PAX9: variants seen among roughly 807,000 people sequenced by gnomAD.
PAX9 encodes paired box protein Pax-9.
A neutral mutation model predicts 29.1 loss-of-function variants in PAX9; 6 were observed. The ratio of observed to expected loss-of-function variants is 0.21; its 90% CI spans 0.11 to 0.41. The LOEUF (loss-of-function observed/expected upper bound fraction) is 0.41. Among genes scored for constraint, PAX9 ranks in the 10% least tolerant of loss-of-function variants. PAX9 has a pLI of 1.00. For synonymous variants in PAX9, 217 were observed against 211.7 expected (o/e 1.03, Z -0.22); for missense variants, 443 against 479.1 (o/e 0.92, Z 0.70).
At chr14:36,658,901 C>G (rs1485740335), upstream of PAX9, 1 of 152,366 alleles carries the variant, frequency 6.6e-6, no homozygotes, top group Non-Finnish European at 1.5e-5. Flanking sequence ...GTCCCCGGCC[C>G]CTGCTCCCCT....
chr14:36,662,682 G>A (rs1025287336), intron 1 of PAX9: 2 of 613,518 alleles, frequency 3.3e-6, no homozygotes, highest in South Asian at 2.1e-5. Flanking sequence ...AGGGGCCTCC[G>A]GCACGGCAGG....
intron 1 of PAX9, 162 bp from the exon 2 acceptor site, chr14:36,662,735 G>T (rs924190556): frequency 1.8e-5 from 15 of 820,878 alleles, no homozygotes; most frequent in African/African-American, 3.4e-5. Flanking sequence ...GTTTGGGGCC[G>T]TTCGGCTATG....
chr14:36,658,056 C>T (rs1295509784), upstream of PAX9, among the ~76,000 whole-genome samples: 3 of 152,088 alleles, frequency 2.0e-5, no homozygotes, highest in Non-Finnish European at 2.9e-5. Context: ...CCCTCCCTCG[C>T]CCTGGGCGCG....
chr14:36,663,236 A>G lies in PAX9; in HGVS notation c.344A>G (p.Tyr115Cys). 6.2e-7 allele frequency: 1 copy of G among 1,614,114 alleles called. No individual in the cohort carries two copies. Among genetic ancestry groups the G allele is most frequent in the Non-Finnish European group, 8.5e-7 (1 of 1,180,040 alleles). ...CTGGCGGACGGCGTGTGCGACAAGT[A>G]CAATGTGCCCTCCGTGAGCTCCATC... ...RLLADGVCDK[Y>C]NVPSVSSISR... Residue 115 changes from tyrosine to cysteine, a missense_variant, in exon 2 of 4, where the codon TAC becomes TGC. Around this residue, in one of 2 missense-constraint regions of PAX9, gnomAD observed 336 missense variants for 317.2 expected, o/e 1.06. Coordinates refer to ENST00000361487, the MANE Select transcript of PAX9 (RefSeq NM_001372076.1).
chr14:36,678,162 G>A lies in PAX9; in HGVS notation c.*1710G>A, dbSNP rs1232942891. On this transcript the variant is annotated 3_prime_UTR_variant, in exon 4 of 4. Transcript: ENST00000361487. ...GTCTGTGCTGTGCACAGTCTACATG[G>A]CAATGCGGTTCCACCACATCGGTTT... is the stretch of plus-strand genomic sequence containing the variant. 5.1e-6 allele frequency: 2 copies of A among 394,538 alleles called. No individual in the cohort carries two copies. The highest frequency in any genetic ancestry group is 3.7e-5 in the Admixed American group (1 of 27,062). 24.4% of individuals were successfully genotyped at this position (394,538 alleles called of 1,614,324 possible). A position where few individuals can be genotyped will look rare whatever the true frequency, so the allele number is the denominator to read the frequency against.
At chr14:36,661,123 T>A (rs959472925), upstream of PAX9, among the ~76,000 whole-genome samples, 5 of 152,264 alleles carry the variant, frequency 3.3e-5, no homozygotes, top group African/African-American at 4.8e-5. Context: ...TGGCAATTGG[T>A]CGACTTGGGG....
Position 36,679,253 on chromosome 14 carries a change from AAC to A in PAX9, c.*2804_*2805del, listed in dbSNP as rs1450182566. On this transcript the variant is annotated 3_prime_UTR_variant, in exon 4 of 4. Transcript: ENST00000361487. ...TTGGACTGAAATATAAATTTTAAAA[AAC>A]ACGTTGGAAAGGATGTACAACAGAA... The A allele has an allele frequency of 1.0e-6, 1 of 983,930 alleles. No individual in the cohort carries two copies. Among genetic ancestry groups the A allele is most frequent in the Non-Finnish European group, 1.2e-6 (1 of 828,686 alleles). The allele number at this position is 983,930 out of a possible 1,614,324, so 60.9% of individuals were successfully genotyped here. A position where few individuals can be genotyped will look rare whatever the true frequency, so the allele number is the denominator to read the frequency against.
chr14:36,679,002 A>AAAG lies in PAX9; in HGVS notation c.*2551_*2553dup, dbSNP rs1379845424. On this transcript the variant is annotated 3_prime_UTR_variant, in exon 4 of 4. Coordinates refer to ENST00000361487, the MANE Select transcript of PAX9 (RefSeq NM_001372076.1). ...TATTTCCTCTATCTCATAGATGGTA[A>AAAG]AAGTGTTGCTTTTAAACTGGCAAAT... 1.5e-5 allele frequency: 14 copies of AAAG among 944,196 alleles called. No individual in the cohort carries two copies. In the African/African-American group the frequency reaches 2.9e-4, roughly 20 times the overall value. 58.5% of individuals were successfully genotyped at this position (944,196 alleles called of 1,614,324 possible). A position where few individuals can be genotyped will look rare whatever the true frequency, so the allele number is the denominator to read the frequency against.
intron 3 of PAX9, among the ~76,000 whole-genome samples, chr14:36,669,191 A>G (rs1256503447): frequency 7.9e-5 from 12 of 152,208 alleles, no homozygotes; most frequent in Admixed American, 7.8e-4. Flanking sequence ...TTTTCTGAGC[A>G]GTTTTGAACT....
At chr14:36,673,012 C>T (rs11627721) in intron 3 of PAX9, among the ~76,000 whole-genome samples, 47,045 of 150,844 alleles carry the variant, frequency 0.31, 8,192 homozygotes, top group South Asian at 0.53. Flanking sequence ...ATTACAGGCA[C>T]CTGCCACCAC....
At chr14:36,672,784 TG>T (rs202053619) in intron 3 of PAX9, among the ~76,000 whole-genome samples, 31 of 137,866 alleles carry the variant, frequency 2.2e-4, no homozygotes, top group South Asian at 7.5e-4. Flanking sequence ...GATTTATGTT[TG>T]TTTTTTTTTT....
At chr14:36,674,931 A>G (rs556645812) in intron 3 of PAX9, among the ~76,000 whole-genome samples, 50 of 152,336 alleles carry the variant, frequency 3.3e-4, no homozygotes, top group African/African-American at 1.2e-3. Flanking sequence ...CATTGAGAAA[A>G]TAGTTTTTGA....
chr14:36,661,983 C>A lies in PAX9; in HGVS notation c.-107C>A. On this transcript the variant is annotated 5_prime_UTR_variant, in exon 1 of 4. Coordinates refer to ENST00000361487, the MANE Select transcript of PAX9 (RefSeq NM_001372076.1). ...TCCTCCTCCTGGGAAGAAGCGGAGG[C>A]GCCGGCGGTCGGCCGGGATAGCAAC... 7.1e-7 allele frequency: 1 copy of A among 1,414,306 alleles called. No homozygotes were observed. The highest frequency in any genetic ancestry group is 9.8e-7 in the Non-Finnish European group (1 of 1,023,552). The allele number at this position is 1,414,306 out of a possible 1,614,324, so 87.6% of individuals were successfully genotyped here. A position where few individuals can be genotyped will look rare whatever the true frequency, so the allele number is the denominator to read the frequency against.
chr14:36,666,315 TG>T, intron 2 of PAX9, 146 bp from the exon 3 acceptor site: 1 of 1,008,060 alleles, frequency 9.9e-7, no homozygotes, highest in Non-Finnish European at 1.4e-6. Context: ...AGGTCGCGGC[TG>T]GGCCCAGCGC....
Position 36,666,490 on chromosome 14 carries a change from C to G in PAX9, c.660C>G (p.Pro220=), listed in dbSNP as rs1345933338. Residue 220 remains proline, a synonymous_variant, in exon 3 of 4, where the codon CCC becomes CCG. Transcript: ENST00000361487. Reference sequence around the variant, plus strand: ...GCGACAGCTCCCCCTACCACAGCCCCAAGGTGGAGGAGTGGAGCAGCCTGG... The same window carrying G: ...GCGACAGCTCCCCCTACCACAGCCCGAAGGTGGAGGAGTGGAGCAGCCTGG... ...QVSDSSPYHS[P]KVEEWSSLGR... is the part of the protein sequence containing the mutation. The G allele has an allele frequency of 6.2e-7, 1 of 1,610,796 alleles. No homozygotes were observed. Among genetic ancestry groups the G allele is most frequent in the Non-Finnish European group, 8.5e-7 (1 of 1,178,920 alleles).
chr14:36,678,600 G>C lies in PAX9; in HGVS notation c.*2148G>C. ...CTCTCCTGTCATCTGAAAAACTGAT[G>C]TAAGGTACAGAACTATTCTTTATCA... On this transcript the variant is annotated 3_prime_UTR_variant, in exon 4 of 4. Coordinates refer to ENST00000361487, the MANE Select transcript of PAX9 (RefSeq NM_001372076.1). 1 of 1,503,906 alleles carries C rather than the reference G, an allele frequency of 6.6e-7. No individual in the cohort carries two copies. Among genetic ancestry groups the C allele is most frequent in the South Asian group, 1.3e-5 (1 of 77,644 alleles). The allele number at this position is 1,503,906 out of a possible 1,614,324, so 93.2% of individuals were successfully genotyped here.
chr14:36,672,852 C>CTTTTTTTTTTTTTTTTTTT lies in PAX9; in HGVS notation c.772-3334_772-3316dup, dbSNP rs3061562. Among the ~76,000 whole-genome samples, 46 of 19,156 alleles carry CTTTTTTTTTTTTTTTTTTT rather than the reference C, an allele frequency of 2.4e-3. 17 individuals are homozygous for CTTTTTTTTTTTTTTTTTTT. Among genetic ancestry groups the CTTTTTTTTTTTTTTTTTTT allele is most frequent in the East Asian group, 4.9e-3 (2 of 408 alleles). 12.6% of individuals were successfully genotyped at this position (19,156 alleles called of 152,430 possible). A position where few individuals can be genotyped will look rare whatever the true frequency, so the allele number is the denominator to read the frequency against. On this transcript the variant is annotated intron_variant, in intron 3 of 3. Coordinates refer to ENST00000361487, the MANE Select transcript of PAX9 (RefSeq NM_001372076.1). Reference sequence around the variant, plus strand: ...TTCTTTTTTCTTTCTTTCTTTCTTCCTTTTTTTTTTTTTTTTTTTTTTTTT... The same window carrying CTTTTTTTTTTTTTTTTTTT: ...TTCTTTTTTCTTTCTTTCTTTCTTCCTTTTTTTTTTTTTTTTTTTTTTTTTTTTTTTTTTTTTTTTTTTT...
At chr14:36,662,423 G>A (rs1479583422) in intron 1 of PAX9, among the ~76,000 whole-genome samples, 1 of 152,134 alleles carries the variant, frequency 6.6e-6, no homozygotes, top group Non-Finnish European at 1.5e-5. Flanking sequence ...AACAGGAAAA[G>A]AAAAGAAAAG....
rs774904883 is a variant in PAX9, at chr14:36,663,536, A to G, written c.631+13A>G. ...ATCACCGACCAAGGTAGGGGCTCAG[A>G]GGCTGGGCGTGTGGATGTGCAGCGT... On this transcript the variant is annotated intron_variant, in intron 2 of 3. Coordinates refer to ENST00000361487, the MANE Select transcript of PAX9 (RefSeq NM_001372076.1). 5 of 1,612,538 alleles carry G rather than the reference A, an allele frequency of 3.1e-6. No individual in the cohort carries two copies. In the Admixed American group the frequency reaches 8.3e-5, roughly 27 times the overall value.
Sources: allele counts gnomAD v4.1 joint callset (sites outside exome capture counted in the v4.1 genomes callset), GRCh38; gene constraint gnomAD v4.1.1; regional missense constraint gnomAD v4.1.1; transcripts MANE v1.5; gene names NCBI Gene and HGNC (gene_info 2026-07-23, HGNC 2026-07-21).